Variants in GREB1L observed in about 807,000 individuals in gnomAD.
GREB1L encodes GREB1 like retinoic acid receptor coactivator, also known as GREB1-like protein.
In GREB1L, 17 loss-of-function variants were observed where a neutral mutation model predicts 200.8. The ratio of observed to expected loss-of-function variants is 0.08; its 90% CI spans 0.06 to 0.13. The LOEUF is 0.13. Ranked by LOEUF, GREB1L falls within the 10% of genes least tolerant of loss-of-function variation. GREB1L has a pLI of 1.00. For missense variants in GREB1L, 1,657 were observed against 2,367.7 expected, an observed-to-expected ratio of 0.70 and a Z score of 6.23; for synonymous variants, 789 against 893.0, an observed-to-expected ratio of 0.88 and a Z score of 2.08.
At chr18:21,399,334 G>T (rs1327415146) in intron 5 of GREB1L, among the ~76,000 whole-genome samples, 1 of 152,192 alleles carries the variant, frequency 6.6e-6, no homozygotes, top group Non-Finnish European at 1.5e-5. Flanking sequence ...TTCCACAAAG[G>T]CAGGGACTTT....
intron 16 of GREB1L, among the ~76,000 whole-genome samples, chr18:21,475,428 C>T (rs1291336177): frequency 3.3e-5 from 5 of 152,122 alleles, no homozygotes; most frequent in Admixed American, 1.3e-4. Flanking sequence ...GATGCGATCT[C>T]GGCTCACTGC....
intron 15 of GREB1L, among the ~76,000 whole-genome samples, chr18:21,456,379 C>T (rs1314430983): frequency 6.6e-6 from 1 of 152,078 alleles, no homozygotes; most frequent in Non-Finnish European, 1.5e-5. Context: ...GATGGATACC[C>T]CATTTACCCT....
rs558257904 is a variant in GREB1L at position 21,500,733 on chromosome 18, T to G, written c.4072+91T>G. ...GGAACTTGCTTTTGGCTTCTGGGAT[T>G]TCTACAGTACCTAACCTGCAGAGTT... On this transcript the variant is annotated intron_variant, in intron 23 of 32. Transcript: ENST00000424526. 15 of 873,606 alleles carry G rather than the reference T, an allele frequency of 1.7e-5. No homozygotes were observed. The African/African-American group carries it at 2.4e-4, about 14-fold the overall frequency. 54.1% of individuals were successfully genotyped at this position (873,606 alleles called of 1,614,324 possible).
chr18:21,263,485 T>A (rs1269179809), intron 1 of GREB1L, among the ~76,000 whole-genome samples: 3 of 152,230 alleles, frequency 2.0e-5, no homozygotes, highest in African/African-American at 7.2e-5. Flanking sequence ...AGAATTCATA[T>A]CTCCCTGGTT....
chr18:21,517,942 T>C (rs1269082829), intron 30 of GREB1L, 92 bp from the exon 31 acceptor site: 3 of 939,160 alleles, frequency 3.2e-6, no homozygotes, highest in Non-Finnish European at 4.9e-6. Context: ...CTGCTATTAT[T>C]TGGCGACTGT....
chr18:21,500,310 G>A lies in GREB1L; in HGVS notation c.3969+4G>A, dbSNP rs1372408223. 3.4e-6 allele frequency: 4 copies of A among 1,177,740 alleles called. No homozygotes were observed. Among genetic ancestry groups the A allele is most frequent in the Admixed American group, 2.0e-5 (1 of 49,786 alleles). 73.0% of individuals were successfully genotyped at this position (1,177,740 alleles called of 1,614,324 possible). ...CCTGCTGACAGGGCCCCCACAGGTA[G>A]GGCCAAGCCAGCCGGGGCCGTTTCT... On this transcript the variant is annotated splice_donor_region_variant and intron_variant, in intron 22 of 32. Transcript: ENST00000424526.
chr18:21,266,638 A>G (rs1015467595), intron 1 of GREB1L, among the ~76,000 whole-genome samples: 2 of 152,252 alleles, frequency 1.3e-5, no homozygotes, highest in African/African-American at 4.8e-5. Context: ...TAAAAATTAA[A>G]GTTTTGAAAA....
chr18:21,343,730 ATTTTTTTT>A (rs36120644), intron 1 of GREB1L, among the ~76,000 whole-genome samples: 1 of 114,952 alleles, frequency 8.7e-6, no homozygotes, highest in Non-Finnish European at 1.8e-5. Flanking sequence ...GAGAAGAGAG[ATTTTTTTT>A]TTTTTTTTTT....
chr18:21,513,693 T>C, intron 27 of GREB1L, 128 bp from the exon 28 acceptor site: 1 of 772,064 alleles, frequency 1.3e-6, no homozygotes, highest in Non-Finnish European at 2.1e-6. Context: ...AACATTTGGT[T>C]GGCTCCCACC....
At chr18:21,263,254 C>T (rs2037917203) in intron 1 of GREB1L, among the ~76,000 whole-genome samples, 1 of 152,112 alleles carries the variant, frequency 6.6e-6, no homozygotes, top group Non-Finnish European at 1.5e-5. Context: ...TGAATCAGCA[C>T]GTTTGGTTTG....
intron 1 of GREB1L, among the ~76,000 whole-genome samples, chr18:21,289,288 G>A (rs1437399341): frequency 2.6e-5 from 4 of 152,100 alleles, no homozygotes; most frequent in Non-Finnish European, 1.5e-5. Context: ...GGTAGCTCAC[G>A]CCTGTAATCT....
rs748956908 is a variant in GREB1L at position 21,439,533 on chromosome 18, G to A, written c.845G>A (p.Gly282Glu). The change falls in exon 8 of 33, where the codon GGA becomes GAA. Residue 282 changes from glycine to glutamate, a missense_variant. This residue lies in a region of GREB1L where 289 missense variants were observed against 345.1 expected (regional missense o/e 0.84). Transcript: ENST00000424526. The part of the protein sequence containing the change: ...SGFTQTDAAN[G>E]NSSHGGKGSA... The stretch of plus-strand genomic sequence containing the variant: ...TTGTGTTCTACAGATGCTGCTAATG[G>A]AAACAGTAGCCATGGAGGGAAGGGC... 12 of 1,543,538 alleles carry A rather than the reference G, an allele frequency of 7.8e-6. No homozygotes were observed. The highest frequency in any genetic ancestry group is 1.7e-4 in the Middle Eastern group (1 of 5,978).
intron 1 of GREB1L, among the ~76,000 whole-genome samples, chr18:21,278,922 A>G (rs1395298952): frequency 6.6e-6 from 1 of 152,208 alleles, no homozygotes; most frequent in Non-Finnish European, 1.5e-5. Flanking sequence ...TAGAATAGCA[A>G]TAGTTCCTAT....
chr18:21,453,962 C>T (rs1025104758), intron 14 of GREB1L, among the ~76,000 whole-genome samples: 15 of 152,134 alleles, frequency 9.9e-5, no homozygotes, highest in Non-Finnish European at 2.2e-4. Flanking sequence ...TGAACTGGGT[C>T]GGGGCTGGAG....
In GREB1L at chr18:21,463,238, C is replaced by T. The variant is rs113368998; in HGVS notation, c.2182+8675C>T. On this transcript the variant is annotated intron_variant, in intron 15 of 32. Coordinates refer to ENST00000424526, the MANE Select transcript of GREB1L (RefSeq NM_001142966.3). ...TCGGCTCACTGCAAGCTCCACCTCCCGGGTTCACACCATTCTCCTGCCTCA... is the reference window on the plus strand; with the variant it reads ...TCGGCTCACTGCAAGCTCCACCTCCTGGGTTCACACCATTCTCCTGCCTCA... Among the ~76,000 whole-genome samples the T allele has an allele frequency of 7.8e-3, 1,167 of 148,678 alleles. 18 individuals are homozygous for T. The highest frequency in any genetic ancestry group is 0.028 in the African/African-American group (1,118 of 40,274).
At chr18:21,446,368 A>G (rs1433841640) in intron 11 of GREB1L, among the ~76,000 whole-genome samples, 2 of 152,198 alleles carry the variant, frequency 1.3e-5, no homozygotes, top group African/African-American at 4.8e-5. Flanking sequence ...AGTCTAATTT[A>G]ATTAAATGAA....
intron 1 of GREB1L, among the ~76,000 whole-genome samples, chr18:21,350,239 T>TTTC (rs2039413304): frequency 7.6e-6 from 1 of 131,092 alleles, no homozygotes; most frequent in Admixed American, 7.5e-5. Flanking sequence ...TCTTTCTTTC[T>TTTC]TTTTTTTTTT....
intron 1 of GREB1L, among the ~76,000 whole-genome samples, chr18:21,265,355 G>A (rs73959825): frequency 0.049 from 7,415 of 152,178 alleles, 594 homozygotes; most frequent in African/African-American, 0.17. Flanking sequence ...GAACTATACT[G>A]TCTTTAAGAT....
chr18:21,525,185 G>T lies in GREB1L; in HGVS notation c.*2364G>T, dbSNP rs1379696702. 6.6e-6 allele frequency: 1 copy of T among 152,026 alleles called. No homozygotes were observed. The highest frequency in any genetic ancestry group is 6.6e-5 in the Admixed American group (1 of 15,262). 9.4% of individuals were successfully genotyped at this position (152,026 alleles called of 1,614,324 possible). On this transcript the variant is annotated 3_prime_UTR_variant, in exon 33 of 33. Transcript: ENST00000424526. The stretch of plus-strand genomic sequence containing the variant: ...AATACTGAATGTAAACGAAAAACTA[G>T]AAGACAATTGTTATAATTTTTTTTG...
Sources: allele counts gnomAD v4.1 joint callset (sites outside exome capture counted in the v4.1 genomes callset), GRCh38; gene constraint gnomAD v4.1.1; regional missense constraint gnomAD v4.1.1; transcripts MANE v1.5; gene names NCBI Gene and HGNC (gene_info 2026-07-23, HGNC 2026-07-21).